Variants in PTPN2 observed in about 807,000 individuals in gnomAD.
PTPN2 encodes tyrosine-protein phosphatase non-receptor type 2.
Under a neutral mutation model 57.3 loss-of-function variants are expected in PTPN2, and 19 were observed. That is an observed-to-expected ratio of 0.33 (90% CI 0.23 to 0.49). PTPN2 has a LOEUF of 0.49. Ranked by LOEUF, PTPN2 falls within the 20% of genes least tolerant of loss-of-function variation. PTPN2 has a pLI of 0.99. For synonymous variants in PTPN2, 153 were observed against 164.9 expected (o/e 0.93, Z 0.55); for missense variants, 358 against 501.1 (o/e 0.71, Z 2.73).
chr18:12,818,220 T>C (rs1398020906), intron 5 of PTPN2, among the ~76,000 whole-genome samples: 4 of 152,238 alleles, frequency 2.6e-5, no homozygotes, highest in Admixed American at 2.6e-4. Flanking sequence ...TCAAAGTTTA[T>C]TTTTTAAATA....
Position 12,817,234 on chromosome 18 carries a change from A to G in PTPN2, c.627T>C (p.His209=), listed in dbSNP as rs750179984. The stretch of plus-strand genomic sequence containing the variant: ...CACTACAGTGGATCACCGCAGGCCC[A>G]TGGTCAGGGTTCAAGGAGCCAGATT... The part of the protein sequence containing the change: ...VRESGSLNPD[H]GPAVIHCSAG... Residue 209 remains histidine, a synonymous_variant, in exon 6 of 9, where the codon CAT becomes CAC. Coordinates refer to ENST00000309660, the MANE Select transcript of PTPN2 (RefSeq NM_002828.4). 9.3e-6 allele frequency: 15 copies of G among 1,614,066 alleles called. No homozygotes were observed. The highest frequency in any genetic ancestry group is 3.3e-5 in the South Asian group (3 of 91,084).
intron 7 of PTPN2, among the ~76,000 whole-genome samples, chr18:12,809,609 C>T (rs1259487097): frequency 6.6e-6 from 1 of 152,180 alleles, no homozygotes; most frequent in Non-Finnish European, 1.5e-5. Context: ...TTTGAAGATC[C>T]TATCAAGGAC....
At chr18:12,841,386 A>G (rs975240353) in intron 2 of PTPN2, among the ~76,000 whole-genome samples, 1 of 152,232 alleles carries the variant, frequency 6.6e-6, no homozygotes, top group African/African-American at 2.4e-5. Context: ...GTATAAACAC[A>G]TTTGATTTTC....
chr18:12,821,588 C>G (rs955136538), intron 5 of PTPN2, among the ~76,000 whole-genome samples: 3 of 152,316 alleles, frequency 2.0e-5, no homozygotes, highest in Admixed American at 2.0e-4. Context: ...GCAGATCAAA[C>G]TCACCAGATC....
intron 8 of PTPN2, among the ~76,000 whole-genome samples, chr18:12,796,814 C>G (rs1271791859): frequency 1.3e-5 from 2 of 152,174 alleles, no homozygotes; most frequent in African/African-American, 4.8e-5. Flanking sequence ...TCTTGCTCCA[C>G]CCCCTCTAGC....
chr18:12,873,688 G>A lies in PTPN2; in HGVS notation c.69+10385C>T, dbSNP rs375576681. 2.5e-4 allele frequency among the ~76,000 whole-genome samples: 38 copies of A among 152,340 alleles called. No homozygotes were observed. The East Asian group carries it at 3.9e-3, about 15-fold the overall frequency. On this transcript the variant is annotated intron_variant, in intron 1 of 8. Coordinates refer to ENST00000309660, the MANE Select transcript of PTPN2 (RefSeq NM_002828.4). ...CTTGGCCTCCCAAAGTGCCCAGAGT[G>A]CAGCCTCTGCCTGGCCGCCACCCCG...
chr18:12,829,490 C>CGA (rs2042592738), intron 4 of PTPN2, among the ~76,000 whole-genome samples: 1 of 111,154 alleles, frequency 9.0e-6, no homozygotes, highest in Non-Finnish European at 1.7e-5. Flanking sequence ...GGGCAACAGG[C>CGA]GAGACTCTGT....
rs144118910 is a variant in PTPN2, at chr18:12,867,318, CAATAAATA to C, written c.70-8072_70-8065del. ...TGGGTGACAAAGTGAGAACCTGTCT[CAATAAATA>C]AATAAATAAATAAATAAATGAAATA... On this transcript the variant is annotated intron_variant, in intron 1 of 8. Transcript: ENST00000309660. Among the ~76,000 whole-genome samples the C allele has an allele frequency of 4.6e-3, 688 of 151,000 alleles. 4 individuals are homozygous for C. Among genetic ancestry groups the C allele is most frequent in the African/African-American group, 0.015 (628 of 40,872 alleles).
intron 7 of PTPN2, among the ~76,000 whole-genome samples, chr18:12,805,762 T>G (rs959238456): frequency 1.5e-4 from 22 of 151,480 alleles, no homozygotes; most frequent in African/African-American, 5.3e-4. Context: ...CCCGAGTAGC[T>G]GGGACTACAG....
chr18:12,794,601 A>G, intron 8 of PTPN2, 116 bp from the exon 9 acceptor site: 9 of 1,250,118 alleles, frequency 7.2e-6, no homozygotes, highest in Non-Finnish European at 9.8e-6. Flanking sequence ...CCCTATTTGA[A>G]CACTGGAATA....
At chr18:12,884,004 C>G (rs996165840) in intron 1 of PTPN2, 69 bp downstream of exon 1, 1 of 1,372,224 alleles carries the variant, frequency 7.3e-7, no homozygotes, top group Non-Finnish European at 9.9e-7. Flanking sequence ...GCGGGAGGGA[C>G]CCTGCGGACA....
At chr18:12,871,925 G>A (rs2044279389) in intron 1 of PTPN2, among the ~76,000 whole-genome samples, 1 of 152,028 alleles carries the variant, frequency 6.6e-6, no homozygotes, top group Non-Finnish European at 1.5e-5. Flanking sequence ...GTGCACGCCT[G>A]TAATCCCAGC....
At chr18:12,839,831 C>G (rs2042986436) in intron 2 of PTPN2, among the ~76,000 whole-genome samples, 1 of 152,050 alleles carries the variant, frequency 6.6e-6, no homozygotes, top group Non-Finnish European at 1.5e-5. Context: ...TACCCTCAAA[C>G]AGCATGTTTT....
At chr18:12,866,402 C>T (rs1396004214) in intron 1 of PTPN2, among the ~76,000 whole-genome samples, 1 of 151,964 alleles carries the variant, frequency 6.6e-6, no homozygotes, top group Non-Finnish European at 1.5e-5. Flanking sequence ...TGCACCACTG[C>T]ACTCCAGCCT....
At chr18:12,813,686 A>G (rs1332162793) in intron 7 of PTPN2, among the ~76,000 whole-genome samples, 1 of 152,210 alleles carries the variant, frequency 6.6e-6, no homozygotes, top group Admixed American at 6.5e-5. Flanking sequence ...TTACATTTTA[A>G]CTTAGTACAT....
chr18:12,833,416 CT>C (rs1275234482), intron 3 of PTPN2, among the ~76,000 whole-genome samples: 1 of 152,070 alleles, frequency 6.6e-6, no homozygotes. Context: ...ACTTGTATGA[CT>C]AATGGACACA....
chr18:12,789,207 C>T (rs2040919250), downstream of PTPN2, among the ~76,000 whole-genome samples: 1 of 152,116 alleles, frequency 6.6e-6, no homozygotes, highest in Non-Finnish European at 1.5e-5. Context: ...GGTGGGATTA[C>T]AGGAGTGAGT....
chr18:12,824,677 C>T (rs1255201441), intron 5 of PTPN2, among the ~76,000 whole-genome samples: 1 of 152,014 alleles, frequency 6.6e-6, no homozygotes, highest in Admixed American at 6.6e-5. Flanking sequence ...AGGTAAATGG[C>T]GAAAGGGGGA....
chr18:12,831,138 G>A, intron 3 of PTPN2, 97 bp from the exon 4 acceptor site: 1 of 739,142 alleles, frequency 1.4e-6, no homozygotes, highest in Non-Finnish European at 2.3e-6. Context: ...GATGTTACAA[G>A]ACAGACAGCG....
Sources: gnomAD v4.1 joint callset for allele counts (sites outside exome capture counted in the v4.1 genomes callset) on GRCh38, gnomAD v4.1.1 for gene constraint, MANE v1.5 for transcripts, NCBI Gene and HGNC (gene_info 2026-07-23, HGNC 2026-07-21) for gene names.